The following EPHB1 variants were observed in gnomAD, a reference collection of about 807,000 sequenced individuals.
EPHB1 encodes the protein ephrin type-B receptor 1.
A neutral mutation model predicts 94.4 loss-of-function variants in EPHB1; 30 were observed. The ratio of observed to expected loss-of-function variants is 0.32; its 90% CI spans 0.24 to 0.43. The LOEUF (loss-of-function observed/expected upper bound fraction) is 0.43. EPHB1 is among the 20% of genes least tolerant of loss of function. The pLI is 1.00. For synonymous variants in EPHB1, 522 were observed against 489.1 expected (o/e 1.07, Z -0.89); for missense variants, 1,055 against 1,308.3 (o/e 0.81, Z 2.99).
chr3:135,207,989 C>T lies in EPHB1; in HGVS notation c.2346+6300C>T, dbSNP rs530266098. ...CAGAGGCTCCACCTTCAAATATCAC[C>T]CAATTGGGGATTATTAGGACTTAAA... On this transcript the variant is annotated intron_variant, in intron 12 of 15. Coordinates refer to ENST00000398015, the MANE Select transcript of EPHB1 (RefSeq NM_004441.5). Among the ~76,000 whole-genome samples, 34 of 152,202 alleles carry T rather than the reference C, an allele frequency of 2.2e-4. No individual in the cohort carries two copies. The South Asian group carries it at 7.1e-3, about 32-fold the overall frequency.
chr3:135,117,574 G>A (rs1428720303), intron 4 of EPHB1, among the ~76,000 whole-genome samples: 1 of 152,202 alleles, frequency 6.6e-6, no homozygotes, highest in East Asian at 1.9e-4. Context: ...TGGCTCTGAA[G>A]CCACATCAAG....
intron 3 of EPHB1, among the ~76,000 whole-genome samples, chr3:135,036,785 C>G (rs1159601430): frequency 6.6e-6 from 1 of 152,082 alleles, no homozygotes; most frequent in East Asian, 1.9e-4. Context: ...TCAGGAAACC[C>G]AAATATGGAA....
At chr3:134,843,730 G>A (rs950090214) in intron 1 of EPHB1, among the ~76,000 whole-genome samples, 1 of 151,438 alleles carries the variant, frequency 6.6e-6, no homozygotes, top group African/African-American at 2.4e-5. Flanking sequence ...TTTACATTTA[G>A]TTTTAAAAAT....
chr3:134,990,501 T>C (rs745502115), intron 3 of EPHB1, among the ~76,000 whole-genome samples: 13 of 152,202 alleles, frequency 8.5e-5, no homozygotes, highest in Non-Finnish European at 1.8e-4. Context: ...ATTTTCCATG[T>C]ATTTTCTCCA....
At chr3:135,031,790 AAAGGT>A (rs1936482695) in intron 3 of EPHB1, among the ~76,000 whole-genome samples, 1 of 152,204 alleles carries the variant, frequency 6.6e-6, no homozygotes, top group Admixed American at 6.5e-5. Context: ...AGTATGCTTG[AAAGGT>A]AAATGTTTTG....
chr3:134,997,870 T>C (rs975440844), intron 3 of EPHB1, among the ~76,000 whole-genome samples: 2 of 152,232 alleles, frequency 1.3e-5, no homozygotes, highest in Non-Finnish European at 2.9e-5. Context: ...TTCCCATTCC[T>C]GCAGTAGCTG....
At chr3:134,950,938 G>A (rs369962881) in intron 2 of EPHB1, among the ~76,000 whole-genome samples, 3 of 152,288 alleles carry the variant, frequency 2.0e-5, no homozygotes, top group Non-Finnish European at 2.9e-5. Context: ...AAGAAATTAG[G>A]TTCAAAGATG....
intron 1 of EPHB1, among the ~76,000 whole-genome samples, chr3:134,907,723 CATCTT>C (rs1368988514): frequency 6.9e-6 from 1 of 144,890 alleles, no homozygotes; most frequent in Non-Finnish European, 1.5e-5. Context: ...AGAGAATAGA[CATCTT>C]ATAAGAAAGA....
Position 135,019,653 on chromosome 3 carries a change from A to G in EPHB1, c.805+67601A>G, listed in dbSNP as rs546263502. Among the ~76,000 whole-genome samples the G allele has an allele frequency of 5.9e-5, 9 of 152,322 alleles. No homozygotes were observed. In the South Asian group the frequency reaches 1.9e-3, roughly 32 times the overall value. On this transcript the variant is annotated intron_variant, in intron 3 of 15. Transcript: ENST00000398015. ...ATGGGATCACATTGTAAGCAATTTT[A>G]TATCCTTCATCCATTGAATATTACA...
chr3:134,900,338 AT>A (rs554635304), intron 1 of EPHB1, among the ~76,000 whole-genome samples: 6 of 151,844 alleles, frequency 4.0e-5, no homozygotes, highest in Middle Eastern at 3.4e-3. Flanking sequence ...TTTTATTTTT[AT>A]TTTTTTTGTA....
chr3:134,934,104 G>A (rs1385552754), intron 2 of EPHB1, among the ~76,000 whole-genome samples: 2 of 151,846 alleles, frequency 1.3e-5, no homozygotes, highest in Non-Finnish European at 2.9e-5. Flanking sequence ...CTACCAAAAG[G>A]CCTGTAATTA....
At chr3:134,903,460 G>A (rs550300971) in intron 1 of EPHB1, among the ~76,000 whole-genome samples, 4 of 152,300 alleles carry the variant, frequency 2.6e-5, no homozygotes, top group Non-Finnish European at 5.9e-5. Context: ...GGCCTAGGAT[G>A]TGCTGACGTG....
At chr3:135,016,794 C>T (rs957232547) in intron 3 of EPHB1, among the ~76,000 whole-genome samples, 4 of 152,218 alleles carry the variant, frequency 2.6e-5, no homozygotes, top group Non-Finnish European at 4.4e-5. Context: ...AAAAATTTCA[C>T]TGATTAGCAT....
At chr3:134,836,665 T>G in intron 1 of EPHB1, among the ~76,000 whole-genome samples, 1 of 152,364 alleles carries the variant, frequency 6.6e-6, no homozygotes, top group East Asian at 1.9e-4. Flanking sequence ...TTTTAACAAA[T>G]GCACTGTTAG....
At chr3:135,257,119 T>C (rs1933431224) in intron 15 of EPHB1, among the ~76,000 whole-genome samples, 1 of 150,392 alleles carries the variant, frequency 6.6e-6, no homozygotes, top group Admixed American at 6.6e-5. Context: ...TACATTCTTC[T>C]AAATTTTTTT....
At chr3:134,839,370 T>C (rs1251833811) in intron 1 of EPHB1, among the ~76,000 whole-genome samples, 1 of 152,086 alleles carries the variant, frequency 6.6e-6, no homozygotes, top group Non-Finnish European at 1.5e-5. Flanking sequence ...ACTTTTAGAG[T>C]CTGTTCCTTT....
At chr3:135,159,475 C>T (rs1197869607) in intron 6 of EPHB1, among the ~76,000 whole-genome samples, 3 of 152,234 alleles carry the variant, frequency 2.0e-5, no homozygotes, top group Non-Finnish European at 4.4e-5. Flanking sequence ...CAGGCAGCTG[C>T]TTGGATTTTG....
chr3:135,168,320 G>T (rs564932377), intron 9 of EPHB1, among the ~76,000 whole-genome samples: 3 of 152,340 alleles, frequency 2.0e-5, no homozygotes, highest in South Asian at 4.1e-4. Context: ...CAGCCCAAGT[G>T]TGGGGGCCCT....
At chr3:135,062,899 T>C (rs541191517) in intron 3 of EPHB1, among the ~76,000 whole-genome samples, 1 of 152,260 alleles carries the variant, frequency 6.6e-6, no homozygotes, top group African/African-American at 2.4e-5. Context: ...CATTCTCCTA[T>C]ATGTGGTTAG....
Sources: allele counts gnomAD v4.1 joint callset (sites outside exome capture counted in the v4.1 genomes callset), GRCh38; gene constraint gnomAD v4.1.1; transcripts MANE v1.5; gene names NCBI Gene and HGNC (gene_info 2026-07-23, HGNC 2026-07-21).